The following STK39 variants were observed in gnomAD, a reference collection of about 807,000 sequenced individuals.
STK39 encodes the protein STE20/SPS1-related proline-alanine-rich protein kinase.
STK39 carries 20 observed loss-of-function variants against 77.8 expected under a neutral mutation model. The ratio of observed to expected loss-of-function variants is 0.26; its 90% confidence interval spans 0.18 to 0.37. STK39 has a LOEUF of 0.37. STK39 is among the 10% of genes least tolerant of loss of function. The pLI is 1.00. For missense variants in STK39, 479 were observed against 656.5 expected (o/e 0.73, Z 2.95); for synonymous variants, 246 against 234.1 (o/e 1.05, Z -0.47).
intron 1 of STK39, among the ~76,000 whole-genome samples, chr2:168,206,182 T>A (rs1487468734): frequency 6.6e-6 from 1 of 152,208 alleles, no homozygotes. Context: ...ACAGCTGGCA[T>A]ATCTATCCAC....
chr2:167,954,956 TCA>T lies in STK39; in HGVS notation c.*538_*539del, dbSNP rs1691725072. On this transcript the variant is annotated 3_prime_UTR_variant, in exon 18 of 18. Transcript: ENST00000355999. ...TGCATAAATATATGAAAAATAAAAT[TCA>T]CAGTCAGTTTTAAAACTAGAATTCA... 6.5e-6 allele frequency: 1 copy of T among 152,684 alleles called. No individual in the cohort carries two copies. The highest frequency in any genetic ancestry group is 1.5e-5 in the Non-Finnish European group (1 of 68,088). The allele number at this position is 152,684 out of a possible 1,614,324, so 9.5% of individuals were successfully genotyped here. A position where few individuals can be genotyped will look rare whatever the true frequency, so the allele number is the denominator to read the frequency against.
intron 1 of STK39, among the ~76,000 whole-genome samples, chr2:168,189,910 C>T (rs1036353851): frequency 3.3e-5 from 5 of 152,090 alleles, no homozygotes; most frequent in Non-Finnish European, 5.9e-5. Context: ...AGCTGTTTAC[C>T]TTCTAAGAAA....
In STK39 at chr2:168,094,809, G is replaced by A. The variant is rs117032902; in HGVS notation, c.1090-19578C>T. Reference sequence around the variant, plus strand: ...CTCCATTGAGAAGACACCTTCAAACGGAAATCCCAATGGAACTTCCAACTC... The same window carrying A: ...CTCCATTGAGAAGACACCTTCAAACAGAAATCCCAATGGAACTTCCAACTC... On this transcript the variant is annotated intron_variant, in intron 10 of 17. Transcript: ENST00000355999. Among the ~76,000 whole-genome samples the A allele has an allele frequency of 4.6e-5, 7 of 152,094 alleles. No individual in the cohort carries two copies. The East Asian group carries it at 1.2e-3, about 25-fold the overall frequency.
At chr2:168,008,711 G>A (rs1684194834) in intron 16 of STK39, among the ~76,000 whole-genome samples, 1 of 152,108 alleles carries the variant, frequency 6.6e-6, no homozygotes, top group African/African-American at 2.4e-5. Context: ...GACACATCAA[G>A]ATTTATAGGT....
chr2:168,006,239 A>G (rs1684130612), intron 16 of STK39, among the ~76,000 whole-genome samples: 1 of 152,238 alleles, frequency 6.6e-6, no homozygotes, highest in South Asian at 2.1e-4. Context: ...AGCCGTGCAG[A>G]TTGAAGTTCA....
At chr2:168,114,856 T>A (rs1687218055) in intron 10 of STK39, among the ~76,000 whole-genome samples, 1 of 152,180 alleles carries the variant, frequency 6.6e-6, no homozygotes, top group Non-Finnish European at 1.5e-5. Flanking sequence ...AGCTGGTTTA[T>A]CACTTGTTTG....
At chr2:168,158,878 C>T (rs1274253878) in intron 5 of STK39, among the ~76,000 whole-genome samples, 1 of 152,172 alleles carries the variant, frequency 6.6e-6, no homozygotes, top group African/African-American at 2.4e-5. Context: ...TAGAAATGTA[C>T]ATTCTTCCCA....
intron 10 of STK39, among the ~76,000 whole-genome samples, chr2:168,093,496 GC>G (rs1686581122): frequency 6.6e-6 from 1 of 152,102 alleles, no homozygotes; most frequent in South Asian, 2.1e-4. Flanking sequence ...GGGAAAACCC[GC>G]CCCCATGATT....
intron 6 of STK39, 47 bp from the exon 7 acceptor site, chr2:168,140,437 T>C (rs1023190123): frequency 2.0e-6 from 3 of 1,501,872 alleles, no homozygotes; most frequent in South Asian, 1.1e-5. Flanking sequence ...GCAGGCATGT[T>C]ACACATCATC....
intron 2 of STK39, among the ~76,000 whole-genome samples, chr2:168,173,420 C>T (rs554992013): frequency 6.6e-6 from 1 of 152,252 alleles, no homozygotes; most frequent in African/African-American, 2.4e-5. Context: ...TAACCAAAAA[C>T]AAATTTCAGT....
chr2:168,247,245 T>C lies in STK39; in HGVS notation c.191A>G (p.Glu64Gly). The C allele has an allele frequency of 8.8e-7, 1 of 1,138,646 alleles. No homozygotes were observed. Among genetic ancestry groups the C allele is most frequent in the African/African-American group, 1.7e-5 (1 of 59,152 alleles). The allele number at this position is 1,138,646 out of a possible 1,614,324, so 70.5% of individuals were successfully genotyped here. ...GCACTGACCGATAACCTCCTGCAGC[T>C]CGTACGCGTCCCTGCAGATGGGCCA... ...VGWPICRDAY[E>G]LQEVIGSGAT... Residue 64 changes from glutamate (E) to glycine (G), a missense_variant, in exon 1 of 18, where the codon GAG (glutamate) becomes GGG (glycine). By Grantham distance (98) the Glu-to-Gly change is moderately conservative. Coordinates refer to ENST00000355999, the MANE Select transcript of STK39 (RefSeq NM_013233.3).
intron 10 of STK39, among the ~76,000 whole-genome samples, chr2:168,104,437 C>G (rs1025829249): frequency 6.6e-6 from 1 of 152,034 alleles, no homozygotes; most frequent in Non-Finnish European, 1.5e-5. Context: ...AAAGTGAGTA[C>G]AGTGTGAATA....
intron 16 of STK39, among the ~76,000 whole-genome samples, chr2:167,984,971 A>T (rs1430259091): frequency 6.6e-6 from 1 of 152,214 alleles, no homozygotes; most frequent in Non-Finnish European, 1.5e-5. Flanking sequence ...AATGAAGTAC[A>T]TTGCCAGGAT....
chr2:168,169,948 AG>A (rs10711248), intron 2 of STK39, among the ~76,000 whole-genome samples: 66,575 of 151,788 alleles, frequency 0.44, 16,869 homozygotes, highest in East Asian at 0.77. Flanking sequence ...CTTCTTGGCT[AG>A]GGGGGTCCAT....
At chr2:168,125,892 G>A (rs575800651) in intron 10 of STK39, among the ~76,000 whole-genome samples, 17 of 152,174 alleles carry the variant, frequency 1.1e-4, no homozygotes, top group East Asian at 3.9e-4. Context: ...TGAGTATGAC[G>A]GGCCTCTGCT....
chr2:167,999,562 C>T (rs903947237), intron 16 of STK39, among the ~76,000 whole-genome samples: 4 of 151,938 alleles, frequency 2.6e-5, no homozygotes, highest in South Asian at 4.2e-4. Flanking sequence ...CCTGGGTTCA[C>T]GCCATTCTCC....
chr2:168,001,020 C>G (rs1485600042), intron 16 of STK39, among the ~76,000 whole-genome samples: 1 of 152,188 alleles, frequency 6.6e-6, no homozygotes, highest in Non-Finnish European at 1.5e-5. Context: ...GAAGGGTACA[C>G]TGGCCAGGCC....
chr2:168,024,219 C>G (rs376895950), intron 14 of STK39, among the ~76,000 whole-genome samples: 1 of 152,186 alleles, frequency 6.6e-6, no homozygotes, highest in African/African-American at 2.4e-5. Flanking sequence ...CTGCTTCACA[C>G]GAGGAGGCCG....
chr2:168,076,709 AC>A (rs989334890), intron 10 of STK39, among the ~76,000 whole-genome samples: 57 of 152,046 alleles, frequency 3.7e-4, no homozygotes, highest in African/African-American at 1.3e-3. Context: ...TTTTTCTCCA[AC>A]CCCTACCCCC....
Sources: gnomAD v4.1 joint callset for allele counts (sites outside exome capture counted in the v4.1 genomes callset) on GRCh38, gnomAD v4.1.1 for gene constraint, MANE v1.5 for transcripts, NCBI Gene and HGNC (gene_info 2026-07-23, HGNC 2026-07-21) for gene names.